The following SEMA3F variants were observed in gnomAD, a reference collection of about 807,000 sequenced individuals.
SEMA3F encodes the protein semaphorin 3F, also known as semaphorin-3F.
In SEMA3F, 30 loss-of-function variants were observed where a neutral mutation model predicts 98.5. The observed-to-expected ratio is 0.30, with a 90% CI of 0.23 to 0.41. The LOEUF (loss-of-function observed/expected upper bound fraction) is 0.41. Ranked by LOEUF, SEMA3F falls within the 10% of genes least tolerant of loss-of-function variation. The pLI, the probability that SEMA3F is intolerant of heterozygous loss-of-function variation, is 1.00. For synonymous variants in SEMA3F, 380 were observed against 444.8 expected, an observed-to-expected ratio of 0.85 and a Z score of 1.83; for missense variants, 866 against 1,119.3, an observed-to-expected ratio of 0.77 and a Z score of 3.23.
chr3:50,179,414 C>T (rs923284688), intron 7 of SEMA3F, among the ~76,000 whole-genome samples: 7 of 151,796 alleles, frequency 4.6e-5, no homozygotes, highest in Admixed American at 1.3e-4. Flanking sequence ...CAACCCCTGC[C>T]TCCTGGGTTC....
At chr3:50,184,882 C>A in intron 13 of SEMA3F, 68 bp downstream of exon 13, 1 of 1,232,034 alleles carries the variant, frequency 8.1e-7, no homozygotes, top group Non-Finnish European at 1.2e-6. Flanking sequence ...ATCCTTGGGG[C>A]TGGGGCTTGC....
intron 12 of SEMA3F, chr3:50,184,271 C>A: frequency 4.9e-6 from 2 of 409,432 alleles, no homozygotes; most frequent in East Asian, 1.1e-4. Context: ...ACGGGTGAGA[C>A]CCTAGGAACA....
intron 2 of SEMA3F, among the ~76,000 whole-genome samples, chr3:50,167,169 GC>G (rs1385781897): frequency 6.6e-6 from 1 of 152,134 alleles, no homozygotes; most frequent in African/African-American, 2.4e-5. Context: ...GCTGGTGAAT[GC>G]CCAAATGTGT....
intron 2 of SEMA3F, among the ~76,000 whole-genome samples, chr3:50,171,830 ATCGC>A (rs1450237239): frequency 2.0e-4 from 30 of 152,192 alleles, no homozygotes; most frequent in Non-Finnish European, 4.1e-4. Context: ...GGGTGAGGCC[ATCGC>A]CAGGCAGGAT....
In SEMA3F at chr3:50,182,572, G is replaced by A. The variant is rs1432990584; in HGVS notation, c.764-72G>A. ...TTGGGGGTGTTCTTGCACCTGGCTG[G>A]GGATTCTGTTGGAGAACATCAGGGG... On this transcript the variant is annotated intron_variant, in intron 8 of 18. Transcript: ENST00000002829. The surrounding 1 kb of genome is among the most constrained non-coding windows in gnomAD (Gnocchi z 4.5). 6.3e-7 allele frequency: 1 copy of A among 1,588,894 alleles called. No individual in the cohort carries two copies. The highest frequency in any genetic ancestry group is 8.6e-7 in the Non-Finnish European group (1 of 1,163,452).
At chr3:50,171,030 C>T (rs1258391727) in intron 2 of SEMA3F, among the ~76,000 whole-genome samples, 1 of 152,176 alleles carries the variant, frequency 6.6e-6, no homozygotes, top group Non-Finnish European at 1.5e-5. Context: ...GGTGGGAATC[C>T]CACCCCCATG....
chr3:50,178,829 CTTTTTTT>C (rs1226887922), intron 7 of SEMA3F, among the ~76,000 whole-genome samples: 5 of 75,156 alleles, frequency 6.7e-5, no homozygotes, highest in Admixed American at 3.3e-4. Flanking sequence ...AATTCTTTTT[CTTTTTTT>C]TTTTTTTTTT....
chr3:50,176,870 C>A lies in SEMA3F; in HGVS notation c.643+9C>A, dbSNP rs140750015. On this transcript the variant is annotated intron_variant, in intron 7 of 18. Coordinates refer to ENST00000002829, the MANE Select transcript of SEMA3F (RefSeq NM_004186.5). ...AGCATCGGCCCTCATCAGTGAGTGC[C>A]CCCCAACCCCGCTCTACAGTCTCAA... The A allele has an allele frequency of 0.02, 31,336 of 1,604,826 alleles. 367 individuals are homozygous for A. Among genetic ancestry groups the A allele is most frequent in the Middle Eastern group, 0.034 (207 of 6,034 alleles).
In SEMA3F at chr3:50,182,634, C is replaced by T. The variant is rs550235565; in HGVS notation, c.764-10C>T. On this transcript the variant is annotated splice_polypyrimidine_tract_variant and intron_variant, in intron 8 of 18. Coordinates refer to ENST00000002829, the MANE Select transcript of SEMA3F (RefSeq NM_004186.5). This position sits in a 1 kb window ranked among gnomAD's most constrained non-coding sequence, Gnocchi z 4.5. ...TAGGGGCTCACCCAGCTGACCCCTG[C>T]CACCTGCAGACCCGTCGTTCATCCA... 6.2e-7 allele frequency: 1 copy of T among 1,609,602 alleles called. No homozygotes were observed. The highest frequency in any genetic ancestry group is 1.1e-5 in the South Asian group (1 of 90,848).
intron 11 of SEMA3F, 69 bp downstream of exon 11, chr3:50,183,324 C>T (rs759951828): frequency 9.3e-6 from 15 of 1,605,182 alleles, no homozygotes; most frequent in Non-Finnish European, 1.3e-5. Flanking sequence ...TCGTGGAGAA[C>T]CCCAGCCCGG....
Position 50,182,572 on chromosome 3 carries a change from G to C in SEMA3F, c.764-72G>C. On this transcript the variant is annotated intron_variant, in intron 8 of 18. Transcript: ENST00000002829. The surrounding 1 kb of genome is among the most constrained non-coding windows in gnomAD (Gnocchi z 4.5). ...TTGGGGGTGTTCTTGCACCTGGCTG[G>C]GGATTCTGTTGGAGAACATCAGGGG... The C allele has an allele frequency of 6.3e-7, 1 of 1,589,012 alleles. No individual in the cohort carries two copies. Among genetic ancestry groups the C allele is most frequent in the African/African-American group, 1.3e-5 (1 of 74,576 alleles).
chr3:50,175,385 C>G (rs1313760701), intron 6 of SEMA3F, among the ~76,000 whole-genome samples, 197 bp downstream of exon 6: 1 of 152,258 alleles, frequency 6.6e-6, no homozygotes, highest in Non-Finnish European at 1.5e-5. Context: ...CTCAGTGTGA[C>G]CCCTGCAGGC....
In SEMA3F at chr3:50,186,660, G is replaced by A. The variant is rs763853986; in HGVS notation, c.1861G>A (p.Ala621Thr). 12 of 1,608,968 alleles carry A rather than the reference G, an allele frequency of 7.5e-6. No homozygotes were observed. Among genetic ancestry groups the A allele is most frequent in the African/African-American group, 6.7e-5 (5 of 74,980 alleles). ...TGTGCAGTATGGCGTGGCCGGCAGC[G>A]CAGCCTTCCTTGAGTGCCAGCCCCG... is the stretch of plus-strand genomic sequence containing the variant. ...ESVQYGVAGS[A>T]AFLECQPRSP... Residue 621 changes from alanine (A) to threonine (T), a missense_variant, in exon 18 of 19, where the codon GCA becomes ACA. This residue lies in a region of SEMA3F where 245 missense variants were observed against 260.5 expected (regional missense o/e 0.94). Coordinates refer to ENST00000002829, the MANE Select transcript of SEMA3F (RefSeq NM_004186.5).
At chr3:50,184,234 C>T in intron 12 of SEMA3F, 1 of 300,296 alleles carries the variant, frequency 3.3e-6, no homozygotes, top group Non-Finnish European at 6.3e-6. Context: ...GACGTCGGGG[C>T]CTGCAGTCCA....
chr3:50,161,846 G>T (rs1403323880), intron 2 of SEMA3F, among the ~76,000 whole-genome samples: 1 of 152,200 alleles, frequency 6.6e-6, no homozygotes, highest in African/African-American at 2.4e-5. Flanking sequence ...TACACTGGGT[G>T]GTCTCAGCCT....
intron 7 of SEMA3F, among the ~76,000 whole-genome samples, chr3:50,177,881 A>AT (rs927425564): frequency 1.3e-5 from 2 of 152,112 alleles, no homozygotes; most frequent in Non-Finnish European, 2.9e-5. Context: ...AATAAAAAAC[A>AT]TTTTTTAAAT....
In SEMA3F at chr3:50,166,215, T is replaced by G. The variant is rs1213713589; in HGVS notation, c.112+6481T>G. ...TCTCTGTACCCAGCCAAGAGCCTTG[T>G]TCCTTCCCACTTGGGGCTCGGTGCT... On this transcript the variant is annotated intron_variant, in intron 2 of 18. Transcript: ENST00000002829. This position sits in a 1 kb window ranked among gnomAD's most constrained non-coding sequence, Gnocchi z 4.7. Among the ~76,000 whole-genome samples, 1 of 152,108 alleles carries G rather than the reference T, an allele frequency of 6.6e-6. No homozygotes were observed. Among genetic ancestry groups the G allele is most frequent in the African/African-American group, 2.4e-5 (1 of 41,428 alleles).
intron 6 of SEMA3F, 40 bp from the exon 7 acceptor site, chr3:50,176,728 G>C: frequency 1.4e-6 from 2 of 1,444,060 alleles, no homozygotes; most frequent in Non-Finnish European, 9.7e-7. Context: ...CTGGCTGGGG[G>C]ACTGGCCTGG....
chr3:50,178,006 C>T (rs997956593), intron 7 of SEMA3F, among the ~76,000 whole-genome samples: 5 of 152,192 alleles, frequency 3.3e-5, no homozygotes, highest in East Asian at 3.8e-4. Context: ...CTTTGGGAGA[C>T]GGAGGCGGGC....
Sources: gnomAD v4.1 joint callset for allele counts (sites outside exome capture counted in the v4.1 genomes callset) on GRCh38, gnomAD v4.1.1 for gene constraint, gnomAD v4.1.1 regional missense constraint, Gnocchi (gnomAD v3.1) non-coding constraint, MANE v1.5 for transcripts, NCBI Gene and HGNC (gene_info 2026-07-23, HGNC 2026-07-21) for gene names.